The following NOMO2 variants were observed in gnomAD, a reference collection of about 807,000 sequenced individuals.
The protein encoded by NOMO2 is NODAL modulator 2.
In NOMO2, 14 loss-of-function variants were observed where a neutral mutation model predicts 67.1. That is an observed-to-expected ratio of 0.21 (90% CI 0.14 to 0.33). NOMO2 has a LOEUF of 0.33. Among genes scored for constraint, NOMO2 ranks in the 10% least tolerant of loss-of-function variants. The probability of loss-of-function intolerance (pLI) is 1.00; values close to 1 mark genes in which losing one functional copy is unlikely to be tolerated. For synonymous variants in NOMO2, 80 were observed against 305.9 expected, an observed-to-expected ratio of 0.26 and a Z score of 7.71; for missense variants, 178 against 761.0, an observed-to-expected ratio of 0.23 and a Z score of 9.01.
Position 18,561,910 on chromosome 16 carries a change from T to G in NOMO2, c.131A>C (p.Lys44Thr), listed in dbSNP as rs1246169925. The G allele has an allele frequency of 3.2e-6, 5 of 1,574,896 alleles. No individual in the cohort carries two copies. Among genetic ancestry groups the G allele is most frequent in the Non-Finnish European group, 4.3e-6 (5 of 1,162,608 alleles). Residue 44 changes from lysine (K) to threonine (T), a missense_variant, in exon 1 of 31, where the codon AAG (lysine) becomes ACG (threonine). By Grantham distance (78) the Lys-to-Thr change is moderately conservative (BLOSUM62 -1). Coordinates refer to ENST00000622306, the MANE Select transcript of NOMO2 (RefSeq NM_173614.4). The part of the protein sequence containing the change: ...DIVVGCGGFV[K>T]SDVEINYSLI... Reference sequence around the variant, plus strand: ...CGAGTAGTTGATCTCCACGTCCGACTTGACGAAGCCACCGCAGCCCACCAC... The same window carrying G: ...CGAGTAGTTGATCTCCACGTCCGACGTGACGAAGCCACCGCAGCCCACCAC...
At chr16:18,545,267 T>C (rs1159361552) in intron 6 of NOMO2, among the ~76,000 whole-genome samples, 1 of 148,038 alleles carries the variant, frequency 6.8e-6, no homozygotes, top group Admixed American at 6.8e-5. Flanking sequence ...GGCTAATTTT[T>C]TTCTATTTTT....
intron 15 of NOMO2, among the ~76,000 whole-genome samples, chr16:18,528,762 T>G (rs1187425766): frequency 4.4e-4 from 66 of 149,770 alleles, no homozygotes; most frequent in African/African-American, 1.5e-3. Flanking sequence ...TTAAGACCAG[T>G]CTGGCCAACA....
chr16:18,558,697 C>T lies in NOMO2; in HGVS notation c.166-906G>A, dbSNP rs558913291. 1.4e-3 allele frequency: 486 copies of T among 342,036 alleles called. 3 individuals carry two copies. Among genetic ancestry groups the T allele is most frequent in the Non-Finnish European group, 2.3e-3 (377 of 164,028 alleles). 21.2% of individuals were successfully genotyped at this position (342,036 alleles called of 1,614,324 possible). A position where few individuals can be genotyped will look rare whatever the true frequency, so the allele number is the denominator to read the frequency against. ...CTTACATTCTGAGCATTACCAGACACGAAGTGTTAACCCAGTAAGATGCCC... is the reference window on the plus strand; with the variant it reads ...CTTACATTCTGAGCATTACCAGACATGAAGTGTTAACCCAGTAAGATGCCC... On this transcript the variant is annotated intron_variant, in intron 1 of 30. Transcript: ENST00000622306.
intron 11 of NOMO2, among the ~76,000 whole-genome samples, chr16:18,535,322 A>C (rs1223887354): frequency 1.3e-5 from 2 of 151,998 alleles, no homozygotes; most frequent in African/African-American, 4.8e-5. Context: ...GTCTCAAAAA[A>C]AAATAAAAAG....
At chr16:18,525,851 A>C (rs446703) in intron 16 of NOMO2, among the ~76,000 whole-genome samples, 132 of 151,362 alleles carry the variant, frequency 8.7e-4, no homozygotes, top group Admixed American at 2.3e-3. Context: ...GTTTTCTAAC[A>C]ACAGCCATCT....
At position 18,561,914 on chromosome 16, in the gene NOMO2, C is replaced by G. The variant is rs577899663; in HGVS notation, c.127G>C (p.Val43Leu). The change falls in exon 1 of 31, where the codon GTC becomes CTC. Residue 43 changes from valine to leucine, a missense_variant. Val to Leu is a conservative substitution (Grantham distance 32, BLOSUM62 1). Coordinates refer to ENST00000622306, the MANE Select transcript of NOMO2 (RefSeq NM_173614.4). ...EDIVVGCGGF[V>L]KSDVEINYSL... ...TAGTTGATCTCCACGTCCGACTTGACGAAGCCACCGCAGCCCACCACGATG... is the reference window on the plus strand; with the variant it reads ...TAGTTGATCTCCACGTCCGACTTGAGGAAGCCACCGCAGCCCACCACGATG... 232 of 1,576,086 alleles carry G rather than the reference C, an allele frequency of 1.5e-4. 6 individuals are homozygous for G. In the East Asian group the frequency reaches 5.2e-3, roughly 35 times the overall value.
chr16:18,548,280 A>C (rs1196703640), intron 5 of NOMO2, among the ~76,000 whole-genome samples: 3 of 151,384 alleles, frequency 2.0e-5, no homozygotes, highest in Non-Finnish European at 4.4e-5. Context: ...TTACTAGCCC[A>C]GAAAAAAAAT....
At chr16:18,535,502 C>G (rs1901397854) in intron 11 of NOMO2, among the ~76,000 whole-genome samples, 1 of 152,012 alleles carries the variant, frequency 6.6e-6, no homozygotes, top group Non-Finnish European at 1.5e-5. Context: ...TCTCTGTGAA[C>G]AGCGCCTCCT....
chr16:18,557,919 G>A (rs1393915831), intron 1 of NOMO2, 128 bp from the exon 2 acceptor site: 52 of 1,535,932 alleles, frequency 3.4e-5, no homozygotes, highest in Non-Finnish European at 3.7e-5. Context: ...CTTTTAACAC[G>A]GGGCATTACT....
At chr16:18,545,288 C>A (rs1236490540) in intron 6 of NOMO2, among the ~76,000 whole-genome samples, 2 of 148,536 alleles carry the variant, frequency 1.3e-5, no homozygotes, top group South Asian at 4.3e-4. Context: ...AGTAGAGATG[C>A]GGTTTCACCA....
At chr16:18,536,917 G>A (rs1400912887) in intron 11 of NOMO2, among the ~76,000 whole-genome samples, 1 of 151,984 alleles carries the variant, frequency 6.6e-6, no homozygotes, top group Admixed American at 6.6e-5. Context: ...GGCCTCCTCA[G>A]TGATCAAGCC....
At chr16:18,520,370 T>TCATCCACC (rs1555465330) in intron 20 of NOMO2, among the ~76,000 whole-genome samples, 2 of 115,974 alleles carry the variant, frequency 1.7e-5, no homozygotes, top group African/African-American at 3.2e-5. Context: ...AATCATTCAT[T>TCATCCACC]CATCCATCCA....
intron 11 of NOMO2, among the ~76,000 whole-genome samples, chr16:18,535,326 T>A (rs1253771777): frequency 2.6e-5 from 4 of 151,346 alleles, no homozygotes; most frequent in African/African-American, 9.7e-5. Flanking sequence ...CAAAAAAAAA[T>A]AAAAAGGAAA....
intron 15 of NOMO2, chr16:18,528,136 G>C: frequency 4.4e-6 from 2 of 453,392 alleles, no homozygotes; most frequent in Admixed American, 2.4e-5. Context: ...CAGGCAGAGG[G>C]GAGAGTATGT....
intron 6 of NOMO2, among the ~76,000 whole-genome samples, chr16:18,545,691 A>G (rs2141743478): frequency 8.7e-6 from 1 of 114,832 alleles, no homozygotes; most frequent in African/African-American, 3.2e-5. Context: ...AACCTCACCT[A>G]CTAGGTGGAG....
Position 18,561,188 on chromosome 16 carries a change from A to AC in NOMO2, c.165+687_165+688insG, listed in dbSNP as rs1365131047. Among the ~76,000 whole-genome samples the AC allele has an allele frequency of 8.6e-3, 1,176 of 137,014 alleles. 36 individuals are homozygous for AC. Among genetic ancestry groups the AC allele is most frequent in the African/African-American group, 0.027 (1,021 of 37,190 alleles). 89.9% of individuals were successfully genotyped at this position (137,014 alleles called of 152,430 possible). ...ACAACTTAATTAAAAAAAAAAAAAA[A>AC]AAAAAAAAAAAAAAAAAAACCTTTA... On this transcript the variant is annotated intron_variant, in intron 1 of 30. Coordinates refer to ENST00000622306, the MANE Select transcript of NOMO2 (RefSeq NM_173614.4).
At chr16:18,550,598 G>T (rs1350723774) in intron 4 of NOMO2, among the ~76,000 whole-genome samples, 1 of 152,012 alleles carries the variant, frequency 6.6e-6, no homozygotes, top group Non-Finnish European at 1.5e-5. Flanking sequence ...AGGGCGGGTG[G>T]AAGAGAAATG....
intron 3 of NOMO2, among the ~76,000 whole-genome samples, chr16:18,553,923 C>G (rs892249982): frequency 6.9e-6 from 1 of 144,806 alleles, no homozygotes; most frequent in African/African-American, 2.5e-5. Flanking sequence ...TAAATTCTTC[C>G]TTGTCTAATG....
chr16:18,561,173 T>TAA (rs756246897), intron 1 of NOMO2, among the ~76,000 whole-genome samples: 2,958 of 32,238 alleles, frequency 0.092, 240 homozygotes, highest in Admixed American at 0.11. Context: ...ACAACTTAAT[T>TAA]AAAAAAAAAA....
Sources: allele counts gnomAD v4.1 joint callset (sites outside exome capture counted in the v4.1 genomes callset), GRCh38; gene constraint gnomAD v4.1.1; transcripts MANE v1.5; gene names NCBI Gene and HGNC (gene_info 2026-07-23, HGNC 2026-07-21).